The following KIF5B variants were observed in gnomAD, a reference collection of about 807,000 sequenced individuals.
KIF5B encodes kinesin-1 heavy chain.
Under a neutral mutation model 132.8 loss-of-function variants are expected in KIF5B, and 49 were observed. The observed-to-expected ratio is 0.37, with a 90% CI of 0.29 to 0.47. KIF5B has a LOEUF of 0.47. KIF5B is among the 20% of genes least tolerant of loss of function. The pLI, the probability that KIF5B is intolerant of heterozygous loss-of-function variation, is 1.00. For synonymous variants in KIF5B, 355 were observed against 369.4 expected (o/e 0.96, Z 0.45); for missense variants, 780 against 1,144.0 (o/e 0.68, Z 4.59).
intron 24 of KIF5B, among the ~76,000 whole-genome samples, chr10:32,016,429 C>G (rs924121276): frequency 5.9e-5 from 9 of 152,048 alleles, no homozygotes; most frequent in Non-Finnish European, 1.3e-4. Context: ...GCACTCCAGC[C>G]TGTGCAACAA....
At chr10:32,016,274 A>G (rs777193258) in intron 24 of KIF5B, among the ~76,000 whole-genome samples, 3 of 151,898 alleles carry the variant, frequency 2.0e-5, no homozygotes, top group Non-Finnish European at 4.4e-5. Flanking sequence ...CTGACCAACA[A>G]GGAGAAACCC....
intron 2 of KIF5B, among the ~76,000 whole-genome samples, chr10:32,043,773 A>T (rs1054193813): frequency 2.6e-5 from 4 of 152,164 alleles, no homozygotes; most frequent in African/African-American, 9.7e-5. Context: ...CAAGTTATAA[A>T]CTTGTCCAGA....
Position 32,055,980 on chromosome 10 carries a change from C to CGCAGCCGGGGCCG in KIF5B, c.-20_-8dup. The CGCAGCCGGGGCCG allele has an allele frequency of 6.2e-7, 1 of 1,603,136 alleles. No homozygotes were observed. The highest frequency in any genetic ancestry group is 1.1e-5 in the South Asian group (1 of 91,022). Reference sequence around the variant, plus strand: ...ACTCGGCCAGGTCCGCCATCTTTCTCGCAGCCGGGGCCGGCGGCCGGGAGC... The same window carrying CGCAGCCGGGGCCG: ...ACTCGGCCAGGTCCGCCATCTTTCTCGCAGCCGGGGCCGGCAGCCGGGGCCGGCGGCCGGGAGC... On this transcript the variant is annotated 5_prime_UTR_variant, in exon 1 of 26. Transcript: ENST00000302418.
At chr10:32,034,262 G>C (rs985684135) in intron 11 of KIF5B, among the ~76,000 whole-genome samples, 4 of 151,812 alleles carry the variant, frequency 2.6e-5, no homozygotes, top group African/African-American at 9.7e-5. Context: ...CAGGCGCTCA[G>C]CACCATGCCA....
chr10:32,056,397 G>C lies in KIF5B; in HGVS notation c.-424C>G, dbSNP rs955596901. The C allele has an allele frequency of 2.3e-5, 5 of 222,186 alleles. No individual in the cohort carries two copies. Among genetic ancestry groups the C allele is most frequent in the Non-Finnish European group, 3.6e-5 (4 of 110,708 alleles). 13.8% of individuals were successfully genotyped at this position (222,186 alleles called of 1,614,324 possible). ...TCCGCTGGCCGGCCGACTGCTGCCC[G>C]ATCACTCCTGAGGCCGCCGTTGGGC... On this transcript the variant is annotated 5_prime_UTR_variant, in exon 1 of 26. The change creates a new upstream start codon in the 5' untranslated region. Transcript: ENST00000302418.
At chr10:32,028,980 C>T (rs770158154) in intron 14 of KIF5B, among the ~76,000 whole-genome samples, 1 of 152,150 alleles carries the variant, frequency 6.6e-6, no homozygotes, top group Non-Finnish European at 1.5e-5. Flanking sequence ...GGTTAGTATG[C>T]TTTCTTCATC....
At chr10:32,018,877 G>T (rs901347543) in intron 20 of KIF5B, among the ~76,000 whole-genome samples, 1 of 151,902 alleles carries the variant, frequency 6.6e-6, no homozygotes, top group South Asian at 2.1e-4. Flanking sequence ...AAAAATTTTT[G>T]TAGAGACGGG....
At position 32,022,182 on chromosome 10, in the gene KIF5B, C is replaced by A. The variant is rs1841273342; in HGVS notation, c.1990G>T (p.Val664Phe). Residue 664 changes from valine to phenylalanine, a missense_variant, in exon 17 of 26, where the codon GTC (valine) becomes TTC (phenylalanine). Around this residue, in one of 9 missense-constraint regions of KIF5B, gnomAD observed 471 missense variants for 569.9 expected, o/e 0.83. Transcript: ENST00000302418. ...ACTAGTTCTTCACTGAGGGCATCGA[C>A]AGATTCCTCCAACTGTCTTTTCTTT... Reference protein sequence around the residue: ...EQKKRQLEESVDALSEELVQL... With the variant: ...EQKKRQLEESFDALSEELVQL... 3.1e-6 allele frequency: 5 copies of A among 1,613,086 alleles called. No individual in the cohort carries two copies. Among genetic ancestry groups the A allele is most frequent in the Non-Finnish European group, 4.2e-6 (5 of 1,179,276 alleles).
At chr10:32,030,722 A>G (rs1347108965) in intron 14 of KIF5B, among the ~76,000 whole-genome samples, 1 of 152,228 alleles carries the variant, frequency 6.6e-6, no homozygotes, top group African/African-American at 2.4e-5. Context: ...ACAATCATCT[A>G]ATAGCTTTAT....
chr10:32,016,031 C>A (rs544154405), intron 24 of KIF5B, among the ~76,000 whole-genome samples: 4 of 152,010 alleles, frequency 2.6e-5, no homozygotes, highest in Non-Finnish European at 5.9e-5. Flanking sequence ...GTAGTCCCAG[C>A]TACTTGGAAG....
intron 2 of KIF5B, among the ~76,000 whole-genome samples, chr10:32,043,587 A>G: frequency 6.6e-6 from 1 of 152,162 alleles, no homozygotes. Flanking sequence ...ATCTACAAAG[A>G]CCTGATGAGA....
intron 1 of KIF5B, among the ~76,000 whole-genome samples, chr10:32,053,724 TATCTCAAAAAAAAAAAAAA>T (rs1235719043): frequency 7.7e-6 from 1 of 130,392 alleles, no homozygotes; most frequent in Non-Finnish European, 1.7e-5. Context: ...AACTCAAAAA[TATCTCAAAAAAAAAAAAAA>T]ATCTCAAAAA....
chr10:32,032,436 G>T (rs750223813), intron 13 of KIF5B, among the ~76,000 whole-genome samples: 11 of 152,060 alleles, frequency 7.2e-5, no homozygotes, highest in Middle Eastern at 3.2e-3. Flanking sequence ...GCTCTGCTGG[G>T]TGAGAAGATA....
In KIF5B at chr10:32,031,152, T is replaced by C. The variant is rs1048229545; in HGVS notation, c.1502A>G (p.Asn501Ser). Residue 501 changes from asparagine (N) to serine (S), a missense_variant, in exon 14 of 26, where the codon AAT (asparagine) becomes AGT (serine). Physicochemically the swap from Asn to Ser is conservative, Grantham distance 46. Coordinates refer to ENST00000302418, the MANE Select transcript of KIF5B (RefSeq NM_004521.3). ...VLQALEELAV[N>S]YDQKSQEVED... Reference sequence around the variant, plus strand: ...AACTTCCTGAGACTTCTGATCATAATTGACAGCAAGTTCTTCTAGGGCCTG... The same window carrying C: ...AACTTCCTGAGACTTCTGATCATAACTGACAGCAAGTTCTTCTAGGGCCTG... 6.2e-7 allele frequency: 1 copy of C among 1,614,048 alleles called. No homozygotes were observed. The highest frequency in any genetic ancestry group is 8.5e-7 in the Non-Finnish European group (1 of 1,179,974).
intron 15 of KIF5B, among the ~76,000 whole-genome samples, chr10:32,025,083 A>G (rs905450537): frequency 7.9e-5 from 12 of 152,214 alleles, no homozygotes; most frequent in African/African-American, 2.9e-4. Flanking sequence ...TCTCAAAGAA[A>G]AAGAAAACCT....
chr10:32,023,104 TATAAA>T lies in KIF5B; in HGVS notation c.1726-73_1726-69del, dbSNP rs568301687. On this transcript the variant is annotated intron_variant, in intron 15 of 25. Transcript: ENST00000302418. ...TCAATGTGTGTTTTCCCAATTAGGC[TATAAA>T]ATCTTTTTATAAAATATATTTTAGT... 5.5e-4 allele frequency: 431 copies of T among 777,724 alleles called. 4 individuals are homozygous for T. The African/African-American group carries it at 6.7e-3, about 12-fold the overall frequency. 48.2% of individuals were successfully genotyped at this position (777,724 alleles called of 1,614,324 possible). A position where few individuals can be genotyped will look rare whatever the true frequency, so the allele number is the denominator to read the frequency against.
intron 25 of KIF5B, among the ~76,000 whole-genome samples, chr10:32,013,293 T>C (rs1841109864): frequency 6.6e-6 from 1 of 152,236 alleles, no homozygotes; most frequent in African/African-American, 2.4e-5. Flanking sequence ...CTAATTATCA[T>C]GAAAACCAGC....
intron 5 of KIF5B, among the ~76,000 whole-genome samples, chr10:32,038,450 CAAG>C (rs1841489743): frequency 6.6e-6 from 1 of 152,152 alleles, no homozygotes; most frequent in Non-Finnish European, 1.5e-5. Context: ...ATTTTATAAA[CAAG>C]AACATTAACC....
intron 25 of KIF5B, among the ~76,000 whole-genome samples, chr10:32,014,953 C>A (rs960606419): frequency 6.6e-6 from 1 of 151,820 alleles, no homozygotes; most frequent in Non-Finnish European, 1.5e-5. Flanking sequence ...TGAAACCCCT[C>A]GTCTCTACTA....
Sources: allele counts gnomAD v4.1 joint callset (sites outside exome capture counted in the v4.1 genomes callset), GRCh38; gene constraint gnomAD v4.1.1; regional missense constraint gnomAD v4.1.1; transcripts MANE v1.5; gene names NCBI Gene and HGNC (gene_info 2026-07-23, HGNC 2026-07-21).